The following SH3PXD2B variants were observed in gnomAD, a reference collection of about 807,000 sequenced individuals.
The protein encoded by SH3PXD2B is SH3 and PX domains 2B, also known as SH3 and PX domain-containing protein 2B.
A neutral mutation model predicts 73.1 loss-of-function variants in SH3PXD2B; 37 were observed. The observed-to-expected ratio is 0.51, with a 90% confidence interval of 0.39 to 0.67. SH3PXD2B has a LOEUF of 0.67. Among genes scored for constraint, SH3PXD2B ranks in the 30% least tolerant of loss-of-function variants. The pLI, the probability that SH3PXD2B is intolerant of heterozygous loss-of-function variation, is 0.00. For synonymous variants in SH3PXD2B, 457 were observed against 480.5 expected (o/e 0.95, Z 0.64); for missense variants, 1,053 against 1,197.8 (o/e 0.88, Z 1.78).
intron 3 of SH3PXD2B, 105 bp downstream of exon 3, chr5:172,406,172 G>T: frequency 2.4e-6 from 3 of 1,246,508 alleles, no homozygotes; most frequent in Admixed American, 1.9e-5. Flanking sequence ...TCAGTGGGAT[G>T]GTGTCCCCTG....
chr5:172,376,899 A>C (rs1757834054), intron 5 of SH3PXD2B, among the ~76,000 whole-genome samples: 1 of 152,186 alleles, frequency 6.6e-6, no homozygotes, highest in South Asian at 2.1e-4. Context: ...GTCTGGCTGG[A>C]GCCCACTCTC....
At position 172,445,968 on chromosome 5, in the gene SH3PXD2B, G is replaced by A. The variant is rs1421827560; in HGVS notation, c.75+8310C>T. Among the ~76,000 whole-genome samples the A allele has an allele frequency of 6.6e-6, 1 of 152,248 alleles. No homozygotes were observed. Among genetic ancestry groups the A allele is most frequent in the African/African-American group, 2.4e-5 (1 of 41,464 alleles). On this transcript the variant is annotated intron_variant, in intron 1 of 12. Transcript: ENST00000311601. This position sits in a 1 kb window ranked among gnomAD's most constrained non-coding sequence, Gnocchi z 5.2. ...TTCTGCAGAGGCAGAGTCCGGAGGA[G>A]GCAGCCACACGAGCCCTGCCCCCGG...
At chr5:172,422,888 T>C (rs1040688910) in intron 1 of SH3PXD2B, among the ~76,000 whole-genome samples, 7 of 152,236 alleles carry the variant, frequency 4.6e-5, no homozygotes, top group Admixed American at 4.6e-4. Flanking sequence ...CGTGCAGCTC[T>C]TGGCCATCTT....
chr5:172,361,218 CAT>C (rs752146645), intron 7 of SH3PXD2B, among the ~76,000 whole-genome samples: 9 of 152,064 alleles, frequency 5.9e-5, no homozygotes, highest in South Asian at 2.1e-4. Context: ...CACATACACA[CAT>C]GTGTATATAA....
In SH3PXD2B at chr5:172,346,463, T is replaced by A. The variant is rs116315878; in HGVS notation, c.1063-202A>T. On this transcript the variant is annotated intron_variant, in intron 11 of 12. Transcript: ENST00000311601. ...CCTCACTGGCCCATCAGCTTTAGGG[T>A]GATGGGAAGAAACACGGGACATTTG... Among the ~76,000 whole-genome samples, 9,030 of 151,784 alleles carry A rather than the reference T, an allele frequency of 0.059. 349 individuals are homozygous for A. Among genetic ancestry groups the A allele is most frequent in the Non-Finnish European group, 0.085 (5,792 of 67,902 alleles).
chr5:172,341,176 T>G (rs750893306), intron 12 of SH3PXD2B, among the ~76,000 whole-genome samples: 1 of 152,160 alleles, frequency 6.6e-6, no homozygotes, highest in Non-Finnish European at 1.5e-5. Flanking sequence ...CTACCCAAAT[T>G]CGTATGTTGA....
At chr5:172,378,624 T>C (rs1309698050) in intron 5 of SH3PXD2B, among the ~76,000 whole-genome samples, 1 of 152,234 alleles carries the variant, frequency 6.6e-6, no homozygotes, top group Non-Finnish European at 1.5e-5. Context: ...TTGGGCAATA[T>C]GGTCTGTAGA....
At position 172,334,378 on chromosome 5, in the gene SH3PXD2B, C is replaced by A; in HGVS notation, c.*3991G>T. On this transcript the variant is annotated 3_prime_UTR_variant, in exon 13 of 13. Transcript: ENST00000311601. ...CTCCAGGCCAAGAGAGGGCGCCCTG[C>A]ACCCTCAGGCCTCGATGCATGCTGC... The A allele has an allele frequency of 1.0e-6, 1 of 992,856 alleles. No individual in the cohort carries two copies. The highest frequency in any genetic ancestry group is 1.2e-6 in the Non-Finnish European group (1 of 835,690). 61.5% of individuals were successfully genotyped at this position (992,856 alleles called of 1,614,324 possible).
At chr5:172,423,808 A>G (rs571263587) in intron 1 of SH3PXD2B, among the ~76,000 whole-genome samples, 1 of 152,006 alleles carries the variant, frequency 6.6e-6, no homozygotes, top group Admixed American at 6.6e-5. Context: ...GTGCCCGGCT[A>G]ATTTTTGTAT....
chr5:172,407,305 G>A (rs1348010994), intron 2 of SH3PXD2B, among the ~76,000 whole-genome samples: 1 of 152,218 alleles, frequency 6.6e-6, no homozygotes, highest in African/African-American at 2.4e-5. Flanking sequence ...GTGAGCTGGA[G>A]ACATGTGTCA....
chr5:172,449,470 G>A (rs982411018), intron 1 of SH3PXD2B, among the ~76,000 whole-genome samples: 2 of 152,076 alleles, frequency 1.3e-5, no homozygotes, highest in African/African-American at 4.8e-5. Flanking sequence ...TCCTCCAGGG[G>A]AAAACAAAAA....
rs114211246 is a variant in SH3PXD2B, at chr5:172,395,589, G to A, written c.233-950C>T. 7.8e-3 allele frequency among the ~76,000 whole-genome samples: 1,193 copies of A among 152,306 alleles called. 15 individuals are homozygous for A. Among genetic ancestry groups the A allele is most frequent in the African/African-American group, 0.027 (1,128 of 41,556 alleles). On this transcript the variant is annotated intron_variant, in intron 3 of 12. Transcript: ENST00000311601. Reference sequence around the variant, plus strand: ...TCCAAGACATTGAAATGTCATGGGCGATGCCTGTTTAAAGCAAATCAGTGG... The same window carrying A: ...TCCAAGACATTGAAATGTCATGGGCAATGCCTGTTTAAAGCAAATCAGTGG...
In SH3PXD2B at chr5:172,421,494, C is replaced by T. The variant is rs918364339; in HGVS notation, c.156+922G>A. On this transcript the variant is annotated intron_variant, in intron 2 of 12. Coordinates refer to ENST00000311601, the MANE Select transcript of SH3PXD2B (RefSeq NM_001017995.3). This position sits in a 1 kb window ranked among gnomAD's most constrained non-coding sequence, Gnocchi z 4.0. ...CAGACAGGAAGAGAAAGATGTGGTT[C>T]TGGCCCACAATAGTCACAGTCTAGG... Among the ~76,000 whole-genome samples the T allele has an allele frequency of 3.9e-5, 6 of 152,180 alleles. No individual in the cohort carries two copies. The highest frequency in any genetic ancestry group is 2.0e-4 in the Admixed American group (3 of 15,276).
rs115155020 is a variant in SH3PXD2B, at chr5:172,382,422, G to A, written c.310-295C>T. On this transcript the variant is annotated intron_variant, in intron 4 of 12. Transcript: ENST00000311601. ...GGCTCTCAGACTCGGGAAGGCACCA[G>A]AATCACTTGGAGGGCTTATTAAAAC... is the stretch of plus-strand genomic sequence containing the variant. Among the ~76,000 whole-genome samples, 4,550 of 152,168 alleles carry A rather than the reference G, an allele frequency of 0.03. 79 individuals carry two copies. Among genetic ancestry groups the A allele is most frequent in the Non-Finnish European group, 0.035 (2,385 of 68,008 alleles).
At chr5:172,446,679 G>T (rs1759670103) in intron 1 of SH3PXD2B, among the ~76,000 whole-genome samples, 1 of 152,202 alleles carries the variant, frequency 6.6e-6, no homozygotes, top group African/African-American at 2.4e-5. Context: ...TGCATGAAAC[G>T]CCCAGGGAAG....
At chr5:172,438,386 C>A (rs971404938) in intron 1 of SH3PXD2B, among the ~76,000 whole-genome samples, 1 of 152,172 alleles carries the variant, frequency 6.6e-6, no homozygotes, top group African/African-American at 2.4e-5. Flanking sequence ...TGGGGCAGGG[C>A]CGGGTTTGTC....
chr5:172,429,163 AT>A (rs1759171305), intron 1 of SH3PXD2B, among the ~76,000 whole-genome samples: 1 of 152,196 alleles, frequency 6.6e-6, no homozygotes, highest in East Asian at 1.9e-4. Context: ...AGAAAATGAG[AT>A]GCCAGGAGGC....
intron 2 of SH3PXD2B, among the ~76,000 whole-genome samples, chr5:172,410,254 C>A (rs1258099079): frequency 6.6e-6 from 1 of 152,186 alleles, no homozygotes; most frequent in East Asian, 1.9e-4. Context: ...AGTTTACGTT[C>A]CCACCAACTG....
intron 3 of SH3PXD2B, among the ~76,000 whole-genome samples, chr5:172,405,891 G>A (rs995745567): frequency 2.0e-5 from 3 of 152,216 alleles, no homozygotes; most frequent in African/African-American, 7.2e-5. Context: ...TTAGAGATGG[G>A]AGAAACTGAG....
Sources: gnomAD v4.1 joint callset for allele counts (sites outside exome capture counted in the v4.1 genomes callset) on GRCh38, gnomAD v4.1.1 for gene constraint, Gnocchi (gnomAD v3.1) non-coding constraint, MANE v1.5 for transcripts, NCBI Gene and HGNC (gene_info 2026-07-23, HGNC 2026-07-21) for gene names.